The following WWOX variants were observed in gnomAD, a reference collection of about 807,000 sequenced individuals.
WWOX encodes WW domain-containing oxidoreductase.
Under a neutral mutation model 46.2 loss-of-function variants are expected in WWOX, and 69 were observed. That is an observed-to-expected ratio of 1.49 (90% CI 1.23 to 1.82). The LOEUF (loss-of-function observed/expected upper bound fraction) is 1.82, where lower values mean the gene tolerates loss of function less well. WWOX is among the 40% of genes most tolerant of loss of function. The pLI, the probability that WWOX is intolerant of heterozygous loss-of-function variation, is 0.00. For missense variants in WWOX, 919 were observed against 542.6 expected (o/e 1.69, Z -6.89); for synonymous variants, 359 against 202.6 (o/e 1.77, Z -6.56).
At position 78,842,910 on chromosome 16, in the gene WWOX, C is replaced by G. The variant is rs1012370555; in HGVS notation, c.1057-368698C>G. On this transcript the variant is annotated intron_variant, in intron 8 of 8. Transcript: ENST00000566780. ...TAAAGATAGACTTAAAATACGCTCT[C>G]TAGAAAAAAGAAAGAAATATGGAAA... Among the ~76,000 whole-genome samples the G allele has an allele frequency of 2.0e-5, 3 of 149,626 alleles. 1 individual carries two copies. Among genetic ancestry groups the G allele is most frequent in the South Asian group, 4.4e-4 (2 of 4,574 alleles).
At chr16:79,166,775 G>C (rs1453646665) in intron 8 of WWOX, among the ~76,000 whole-genome samples, 1 of 152,118 alleles carries the variant, frequency 6.6e-6, no homozygotes, top group African/African-American at 2.4e-5. Context: ...CACTGTGTTT[G>C]CATTCTTTAG....
chr16:78,546,918 G>T (rs567291975), intron 8 of WWOX, among the ~76,000 whole-genome samples: 1 of 151,958 alleles, frequency 6.6e-6, no homozygotes, highest in Non-Finnish European at 1.5e-5. Flanking sequence ...CTTGAGCCCA[G>T]GGGTTTCAGA....
chr16:78,452,402 G>T (rs555155402), intron 8 of WWOX, among the ~76,000 whole-genome samples: 1 of 151,302 alleles, frequency 6.6e-6, no homozygotes, highest in African/African-American at 2.4e-5. Flanking sequence ...ATATGTTTGT[G>T]TGTGTATGCA....
intron 8 of WWOX, among the ~76,000 whole-genome samples, chr16:78,717,300 GAGA>G (rs1340010810): frequency 2.0e-5 from 3 of 152,212 alleles, no homozygotes; most frequent in African/African-American, 7.2e-5. Flanking sequence ...CCTACTGGGA[GAGA>G]CAGCATAATA....
At chr16:79,123,336 A>G (rs2049679459) in intron 8 of WWOX, among the ~76,000 whole-genome samples, 1 of 152,176 alleles carries the variant, frequency 6.6e-6, no homozygotes, top group African/African-American at 2.4e-5. Context: ...GGCCCATAAA[A>G]TACTGCACAT....
intron 8 of WWOX, among the ~76,000 whole-genome samples, chr16:78,885,812 C>G (rs1006684944): frequency 3.3e-5 from 5 of 151,618 alleles, no homozygotes; most frequent in African/African-American, 9.7e-5. Context: ...TTACTTAAGT[C>G]TATATATTAA....
chr16:78,674,174 T>C (rs1404807821), intron 8 of WWOX, among the ~76,000 whole-genome samples: 1 of 152,120 alleles, frequency 6.6e-6, no homozygotes, highest in Non-Finnish European at 1.5e-5. Context: ...AGACTTATTG[T>C]TTTGGTTGGA....
chr16:78,962,611 A>T (rs2046292259), intron 8 of WWOX, among the ~76,000 whole-genome samples: 1 of 152,304 alleles, frequency 6.6e-6, no homozygotes, highest in East Asian at 1.9e-4. Context: ...AGAGGAGGGC[A>T]TTCAGAAAAT....
chr16:78,822,465 G>C (rs137961507), intron 8 of WWOX, among the ~76,000 whole-genome samples: 229 of 89,946 alleles, frequency 2.5e-3, no homozygotes, highest in African/African-American at 9.5e-3. Flanking sequence ...GTGTACTCCA[G>C]CCTGAGAGAC....
At chr16:78,466,539 A>C (rs944849972) in intron 8 of WWOX, among the ~76,000 whole-genome samples, 1 of 152,098 alleles carries the variant, frequency 6.6e-6, no homozygotes, top group African/African-American at 2.4e-5. Context: ...GTTGTTTTTT[A>C]AATATTCCAG....
At chr16:78,126,040 C>T (rs923277412) in intron 4 of WWOX, among the ~76,000 whole-genome samples, 4 of 152,128 alleles carry the variant, frequency 2.6e-5, no homozygotes, top group African/African-American at 9.6e-5. Flanking sequence ...CATGTTTTCC[C>T]TTCTTTCGTG....
At chr16:78,942,238 T>G (rs1280996845) in intron 8 of WWOX, among the ~76,000 whole-genome samples, 1 of 152,164 alleles carries the variant, frequency 6.6e-6, no homozygotes, top group Non-Finnish European at 1.5e-5. Flanking sequence ...TTTAAAGTAG[T>G]AGGCTTCTTA....
chr16:78,853,828 G>A (rs992667306), intron 8 of WWOX, among the ~76,000 whole-genome samples: 12 of 151,986 alleles, frequency 7.9e-5, no homozygotes, highest in African/African-American at 2.9e-4. Flanking sequence ...ATTTAATAGC[G>A]AAGCCCTCAG....
intron 6 of WWOX, among the ~76,000 whole-genome samples, chr16:78,410,570 G>A (rs2082655814): frequency 6.6e-6 from 1 of 152,060 alleles, no homozygotes; most frequent in African/African-American, 2.4e-5. Flanking sequence ...AGCACTTTGG[G>A]AGGTCGAGGT....
At chr16:79,082,054 G>C (rs2048770176) in intron 8 of WWOX, among the ~76,000 whole-genome samples, 1 of 152,168 alleles carries the variant, frequency 6.6e-6, no homozygotes, top group Non-Finnish European at 1.5e-5. Context: ...CAATCTGATG[G>C]AGTGAAGCCA....
chr16:78,359,849 G>T (rs1044552497), intron 5 of WWOX, among the ~76,000 whole-genome samples: 1 of 152,136 alleles, frequency 6.6e-6, no homozygotes, highest in African/African-American at 2.4e-5. Context: ...GGTGACTATG[G>T]ACTTAATTTT....
At chr16:78,842,396 G>T (rs562131026) in intron 8 of WWOX, among the ~76,000 whole-genome samples, 1 of 151,924 alleles carries the variant, frequency 6.6e-6, no homozygotes, top group Admixed American at 6.6e-5. Context: ...TGAGCTGCTC[G>T]GGAGGCCAAG....
chr16:79,010,729 G>C (rs934847675), intron 8 of WWOX, among the ~76,000 whole-genome samples: 1 of 151,518 alleles, frequency 6.6e-6, no homozygotes, highest in African/African-American at 2.4e-5. Flanking sequence ...GGTACCAAGG[G>C]GTAGAGATGG....
intron 8 of WWOX, among the ~76,000 whole-genome samples, chr16:78,981,376 G>A (rs111258134): frequency 6.6e-6 from 1 of 152,166 alleles, no homozygotes; most frequent in Admixed American, 6.5e-5. Context: ...GGAGGGACAC[G>A]GACAATGTGG....
Sources: allele counts gnomAD v4.1 joint callset (sites outside exome capture counted in the v4.1 genomes callset), GRCh38; gene constraint gnomAD v4.1.1; transcripts MANE v1.5; gene names NCBI Gene and HGNC (gene_info 2026-07-23, HGNC 2026-07-21).